The following ZNF804B variants were observed in gnomAD, a reference collection of about 807,000 sequenced individuals.
ZNF804B encodes zinc finger protein 804B, also known as zinc finger 804B.
Under a neutral mutation model 101.4 loss-of-function variants are expected in ZNF804B, and 80 were observed. That is an observed-to-expected ratio of 0.79 (90% CI 0.66 to 0.95). ZNF804B has a LOEUF of 0.95. ZNF804B is among the 40% of genes least tolerant of loss of function. The pLI, the probability that ZNF804B is intolerant of heterozygous loss-of-function variation, is 0.00. For synonymous variants in ZNF804B, 622 were observed against 558.8 expected (o/e 1.11, Z -1.59); for missense variants, 1,673 against 1,561.9 (o/e 1.07, Z -1.20).
At chr7:88,812,457 G>T (rs895530973) in intron 1 of ZNF804B, among the ~76,000 whole-genome samples, 3 of 152,138 alleles carry the variant, frequency 2.0e-5, no homozygotes, top group Admixed American at 2.0e-4. Flanking sequence ...CTGTATGGAG[G>T]TTCCTCAAAG....
At chr7:89,222,859 T>TA (rs1562921330) in intron 2 of ZNF804B, among the ~76,000 whole-genome samples, 1 of 151,902 alleles carries the variant, frequency 6.6e-6, no homozygotes, top group African/African-American at 2.4e-5. Context: ...CTTCCCACTT[T>TA]AAAAAACATT....
Position 89,334,249 on chromosome 7 carries a change from A to T in ZNF804B, c.1267A>T (p.Asn423Tyr), listed in dbSNP as rs1402303134. The T allele has an allele frequency of 4.3e-6, 7 of 1,613,650 alleles. No homozygotes were observed. In the South Asian group the frequency reaches 7.7e-5, roughly 18 times the overall value. ...AGATAAAACAGAAAGAGTTAGCAAA[A>T]ATGTTCAAAGACTTGTAAAAGAAGC... ...SLDKTERVSK[N>Y]VQRLVKEACT... Residue 423 changes from asparagine (N) to tyrosine (Y), a missense_variant, in exon 4 of 4, where the codon AAT (asparagine) becomes TAT (tyrosine). Transcript: ENST00000333190.
intron 2 of ZNF804B, among the ~76,000 whole-genome samples, chr7:89,227,804 A>G (rs920842835): frequency 1.3e-5 from 2 of 152,234 alleles, no homozygotes; most frequent in Non-Finnish European, 2.9e-5. Context: ...TTAACAGTCT[A>G]GAACAACTTG....
At chr7:89,161,733 GA>G (rs1791067578) in intron 1 of ZNF804B, among the ~76,000 whole-genome samples, 1 of 150,602 alleles carries the variant, frequency 6.6e-6, no homozygotes, top group Non-Finnish European at 1.5e-5. Context: ...TTTTTATGGA[GA>G]ATTGGTAAAA....
At chr7:88,966,785 A>G (rs1027834281) in intron 1 of ZNF804B, among the ~76,000 whole-genome samples, 3 of 151,354 alleles carry the variant, frequency 2.0e-5, no homozygotes, top group Non-Finnish European at 4.4e-5. Flanking sequence ...AACACACACA[A>G]TACATATACA....
At chr7:88,820,276 A>C (rs1241228752) in intron 1 of ZNF804B, among the ~76,000 whole-genome samples, 1 of 152,190 alleles carries the variant, frequency 6.6e-6, no homozygotes, top group African/African-American at 2.4e-5. Context: ...AAAAAAATAC[A>C]ATAGACTTTT....
intron 1 of ZNF804B, among the ~76,000 whole-genome samples, chr7:88,992,274 C>A (rs1328207065): frequency 6.6e-6 from 1 of 152,088 alleles, no homozygotes; most frequent in Non-Finnish European, 1.5e-5. Flanking sequence ...TTTCTCTTTA[C>A]ATTGCTTGTC....
At chr7:89,192,643 A>G (rs1292551291) in intron 1 of ZNF804B, among the ~76,000 whole-genome samples, 1 of 152,010 alleles carries the variant, frequency 6.6e-6, no homozygotes, top group Non-Finnish European at 1.5e-5. Flanking sequence ...CTCCTACCCA[A>G]TTCATTCTAT....
intron 1 of ZNF804B, among the ~76,000 whole-genome samples, chr7:89,145,396 A>G (rs1283282049): frequency 1.3e-5 from 2 of 152,022 alleles, no homozygotes; most frequent in East Asian, 1.9e-4. Flanking sequence ...TGAAGGCACT[A>G]TCTTAAAATA....
chr7:89,037,316 T>A (rs1030057819), intron 1 of ZNF804B, among the ~76,000 whole-genome samples: 4 of 152,062 alleles, frequency 2.6e-5, no homozygotes, highest in African/African-American at 9.7e-5. Flanking sequence ...TAATTGCTGC[T>A]TTTAGTTGTG....
At chr7:88,942,272 C>T (rs1237882303) in intron 1 of ZNF804B, among the ~76,000 whole-genome samples, 1 of 151,814 alleles carries the variant, frequency 6.6e-6, no homozygotes, top group Non-Finnish European at 1.5e-5. Context: ...TTCATTGTGC[C>T]ATCGCAGGCA....
chr7:88,996,525 CT>C (rs1788199767), intron 1 of ZNF804B, among the ~76,000 whole-genome samples: 1 of 152,024 alleles, frequency 6.6e-6, no homozygotes, highest in South Asian at 2.1e-4. Flanking sequence ...CAGCTTTTAA[CT>C]TTGTCTTTAC....
chr7:89,212,268 CACACACACACACACACACACAA>C (rs1252326630), intron 1 of ZNF804B, among the ~76,000 whole-genome samples: 1 of 101,150 alleles, frequency 9.9e-6, no homozygotes, highest in Non-Finnish European at 2.3e-5. Context: ...CACACACACA[CACACACACACACACACACACAA>C]ACAGACTGCA....
At chr7:89,261,145 T>G (rs892276470) in intron 2 of ZNF804B, among the ~76,000 whole-genome samples, 2 of 152,286 alleles carry the variant, frequency 1.3e-5, no homozygotes, top group South Asian at 4.1e-4. Flanking sequence ...GTAAGTACTA[T>G]AGTTAATTTT....
chr7:88,878,650 G>A (rs1791986715), intron 1 of ZNF804B, among the ~76,000 whole-genome samples: 1 of 152,058 alleles, frequency 6.6e-6, no homozygotes, highest in African/African-American at 2.4e-5. Context: ...AAACAAAATT[G>A]TACTTGAAAT....
rs142960193 is a variant in ZNF804B at position 89,048,643 on chromosome 7, C to T, written c.109-169512C>T. Among the ~76,000 whole-genome samples the T allele has an allele frequency of 1.7e-3, 258 of 151,874 alleles. 3 individuals carry two copies. The highest frequency in any genetic ancestry group is 5.6e-3 in the African/African-American group (230 of 41,266). ...TTAGGTAATTTAATTAGAAATACTC[C>T]TGCTAGTATTTTGAAAGATGGTCTT... On this transcript the variant is annotated intron_variant, in intron 1 of 3. Transcript: ENST00000333190.
chr7:89,144,693 T>G (rs557947072), intron 1 of ZNF804B, among the ~76,000 whole-genome samples: 3 of 152,056 alleles, frequency 2.0e-5, no homozygotes, highest in Non-Finnish European at 4.4e-5. Flanking sequence ...ATAATAGATT[T>G]TAAATGTTTT....
intron 1 of ZNF804B, among the ~76,000 whole-genome samples, chr7:88,873,456 A>C (rs1228826209): frequency 2.5e-4 from 38 of 152,296 alleles, no homozygotes; most frequent in Non-Finnish European, 1.2e-4. Flanking sequence ...TTTGCTGTGC[A>C]GAAGCTCTTT....
At chr7:88,873,040 G>A (rs575206188) in intron 1 of ZNF804B, among the ~76,000 whole-genome samples, 10 of 151,876 alleles carry the variant, frequency 6.6e-5, no homozygotes, top group South Asian at 2.1e-4. Flanking sequence ...CTGAGGAATC[G>A]CCACACTGAC....
Sources: gnomAD v4.1 joint callset for allele counts (sites outside exome capture counted in the v4.1 genomes callset) on GRCh38, gnomAD v4.1.1 for gene constraint, MANE v1.5 for transcripts, NCBI Gene and HGNC (gene_info 2026-07-23, HGNC 2026-07-21) for gene names.